Variants in ITGB6 observed in about 807,000 individuals in gnomAD.
ITGB6 encodes the protein integrin beta-6.
Under a neutral mutation model 84.5 loss-of-function variants are expected in ITGB6, and 80 were observed. The observed-to-expected ratio is 0.95, with a 90% CI of 0.79 to 1.14. The LOEUF (loss-of-function observed/expected upper bound fraction) is 1.14. Ranked by LOEUF, ITGB6 falls within the 50% of genes most tolerant of loss-of-function variation. The pLI is 0.00. For synonymous variants in ITGB6, 383 were observed against 354.9 expected, an observed-to-expected ratio of 1.08 and a Z score of -0.89; for missense variants, 1,006 against 968.0, an observed-to-expected ratio of 1.04 and a Z score of -0.52.
chr2:160,137,203 C>T (rs929295431), intron 10 of ITGB6, among the ~76,000 whole-genome samples: 2 of 152,136 alleles, frequency 1.3e-5, no homozygotes, highest in Non-Finnish European at 2.9e-5. Context: ...TTCATCTACG[C>T]TTAGGGAAAC....
chr2:160,197,613 G>C (rs893532868), intron 2 of ITGB6, among the ~76,000 whole-genome samples: 4 of 152,158 alleles, frequency 2.6e-5, no homozygotes, highest in African/African-American at 9.7e-5. Flanking sequence ...CATCAACTAG[G>C]AAAGTTAGAT....
chr2:160,190,007 T>C (rs1326045373), intron 4 of ITGB6, among the ~76,000 whole-genome samples: 7 of 152,128 alleles, frequency 4.6e-5, no homozygotes, highest in Non-Finnish European at 8.8e-5. Flanking sequence ...ATATACACCA[T>C]GGAATACTAT....
At chr2:160,158,816 C>A (rs1559171353) in intron 7 of ITGB6, among the ~76,000 whole-genome samples, 1 of 152,196 alleles carries the variant, frequency 6.6e-6, no homozygotes, top group East Asian at 1.9e-4. Context: ...AATGCAGATT[C>A]TTGGCTGGGC....
rs545387746 is a variant in ITGB6, at chr2:160,189,634, C to G, written c.593+5735G>C. On this transcript the variant is annotated intron_variant, in intron 4 of 14. Transcript: ENST00000283249. ...ATCATCACTGGCCATCAGAGAAATG[C>G]AAATCAAAACCACAATGAGATACCA... 3.9e-5 allele frequency among the ~76,000 whole-genome samples: 6 copies of G among 152,080 alleles called. No individual in the cohort carries two copies. The South Asian group carries it at 1.2e-3, about 32-fold the overall frequency.
chr2:160,198,855 T>A (rs1405926883), intron 2 of ITGB6, among the ~76,000 whole-genome samples: 1 of 152,216 alleles, frequency 6.6e-6, no homozygotes, highest in Non-Finnish European at 1.5e-5. Context: ...CCATGAACTC[T>A]GATTATCCAG....
rs111337607 is a variant in ITGB6 at position 160,137,898 on chromosome 2, C to T, written c.1243-47G>A. The T allele has an allele frequency of 1.6e-3, 2,557 of 1,584,146 alleles. 44 individuals carry two copies. The African/African-American group carries it at 0.031, about 19-fold the overall frequency. ...ATCTCCCTCCATCCACCAAAATGCA[C>T]GAGGTGAAACAAGGCTTCACGGAAA... On this transcript the variant is annotated intron_variant, in intron 9 of 14. Transcript: ENST00000283249.
chr2:160,110,562 G>A (rs1226205256), intron 13 of ITGB6, among the ~76,000 whole-genome samples: 3 of 152,150 alleles, frequency 2.0e-5, no homozygotes, highest in Non-Finnish European at 4.4e-5. Context: ...ATCATTCCTT[G>A]ACTCTGTTGT....
At chr2:160,181,585 C>T (rs1184523512) in intron 4 of ITGB6, among the ~76,000 whole-genome samples, 1 of 152,208 alleles carries the variant, frequency 6.6e-6, no homozygotes, top group Non-Finnish European at 1.5e-5. Context: ...AACGTCCCTG[C>T]CTGCCAGCTC....
intron 4 of ITGB6, among the ~76,000 whole-genome samples, chr2:160,187,730 A>G (rs1240582442): frequency 6.6e-6 from 1 of 152,212 alleles, no homozygotes; most frequent in Non-Finnish European, 1.5e-5. Flanking sequence ...GTTATTTTTC[A>G]TAAAAACATA....
At chr2:160,110,808 G>A (rs1682468466) in intron 13 of ITGB6, among the ~76,000 whole-genome samples, 2 of 152,180 alleles carry the variant, frequency 1.3e-5, no homozygotes, top group African/African-American at 2.4e-5. Flanking sequence ...CGGGAGACAG[G>A]AGGGACCATG....
chr2:160,171,807 G>A (rs1212894467), intron 6 of ITGB6, among the ~76,000 whole-genome samples: 1 of 152,206 alleles, frequency 6.6e-6, no homozygotes, highest in Non-Finnish European at 1.5e-5. Context: ...CAACTGAAGG[G>A]AAAGACAATT....
In ITGB6 at chr2:160,126,575, AT is replaced by A; in HGVS notation, c.1686del (p.Glu562AspfsTer90). On this transcript the variant is annotated frameshift_variant, in exon 11 of 15. Transcript: ENST00000283249. LOFTEE classifies it high-confidence loss of function. ...CCAGTCCAGCCGCTCCTGCACACAC[AT>A]TCACCACAGTCACAGTCGCCGTTAC... ...CGGNGDCDCG[E>X]CVCRSGWTGE... The A allele has an allele frequency of 6.2e-7, 1 of 1,613,660 alleles. No homozygotes were observed. The highest frequency in any genetic ancestry group is 1.1e-5 in the South Asian group (1 of 91,068).
chr2:160,171,717 T>A (rs992271379), intron 6 of ITGB6, among the ~76,000 whole-genome samples: 4 of 152,210 alleles, frequency 2.6e-5, no homozygotes, highest in Non-Finnish European at 5.9e-5. Context: ...GGTCTGGACC[T>A]GAGGATTGTG....
chr2:160,128,274 C>CAAA (rs11464202), intron 10 of ITGB6, among the ~76,000 whole-genome samples: 1 of 138,318 alleles, frequency 7.2e-6, no homozygotes. Flanking sequence ...GTAGACAATA[C>CAAA]AAAAAAAAAA....
rs142311052 is a variant in ITGB6, at chr2:160,184,846, A to G, written c.593+10523T>C. Among the ~76,000 whole-genome samples, 235 of 152,304 alleles carry G rather than the reference A, an allele frequency of 1.5e-3. 1 individual carries two copies. Among genetic ancestry groups the G allele is most frequent in the African/African-American group, 5.6e-3 (231 of 41,566 alleles). The stretch of plus-strand genomic sequence containing the variant: ...CAACATACATAAATCAATAAACATA[A>G]TCCATCGCATAAACAGAACCAAAGA... On this transcript the variant is annotated intron_variant, in intron 4 of 14. Transcript: ENST00000283249.
At chr2:160,113,044 G>A (rs1343076868) in intron 12 of ITGB6, among the ~76,000 whole-genome samples, 1 of 152,206 alleles carries the variant, frequency 6.6e-6, no homozygotes, top group Non-Finnish European at 1.5e-5. Context: ...TATCTTTTAA[G>A]TTGGAGACTT....
At chr2:160,172,911 A>G (rs1685269733) in intron 5 of ITGB6, among the ~76,000 whole-genome samples, 181 bp from the exon 6 acceptor site, 1 of 152,142 alleles carries the variant, frequency 6.6e-6, no homozygotes, top group African/African-American at 2.4e-5. Flanking sequence ...ATTCTGTGAC[A>G]TTTGCTTTTT....
At chr2:160,133,999 G>A (rs908579536) in intron 10 of ITGB6, among the ~76,000 whole-genome samples, 2 of 152,130 alleles carry the variant, frequency 1.3e-5, no homozygotes, top group Non-Finnish European at 2.9e-5. Flanking sequence ...AAAAGAACTA[G>A]AGAAGCATGA....
chr2:160,146,249 G>C lies in ITGB6; in HGVS notation c.1018-4178C>G, dbSNP rs111713117. Among the ~76,000 whole-genome samples, 1,390 of 152,272 alleles carry C rather than the reference G, an allele frequency of 9.1e-3. 31 individuals carry two copies. Among genetic ancestry groups the C allele is most frequent in the African/African-American group, 0.032 (1,341 of 41,546 alleles). ...AAACTGCACATATTTATGGGGTACA[G>C]TGTGATATTTTGATACACATATACC... is the stretch of plus-strand genomic sequence containing the variant. On this transcript the variant is annotated intron_variant, in intron 7 of 14. Coordinates refer to ENST00000283249, the MANE Select transcript of ITGB6 (RefSeq NM_000888.5).
Sources: gnomAD v4.1 joint callset for allele counts (sites outside exome capture counted in the v4.1 genomes callset) on GRCh38, gnomAD v4.1.1 for gene constraint, MANE v1.5 for transcripts, NCBI Gene and HGNC (gene_info 2026-07-23, HGNC 2026-07-21) for gene names.